Variants in DOCK8 observed in about 807,000 individuals in gnomAD.
DOCK8 encodes dedicator of cytokinesis 8.
DOCK8 carries 141 observed loss-of-function variants against 245.6 expected under a neutral mutation model. That is an observed-to-expected ratio of 0.57 (90% confidence interval 0.50 to 0.66). The LOEUF (loss-of-function observed/expected upper bound fraction) is 0.66, where lower values mean the gene tolerates loss of function less well. Among genes scored for constraint, DOCK8 ranks in the 30% least tolerant of loss-of-function variants. The pLI is 0.00. For synonymous variants in DOCK8, 1,168 were observed against 970.2 expected (o/e 1.20, Z -3.79); for missense variants, 2,965 against 2,603.4 (o/e 1.14, Z -3.02).
intron 47 of DOCK8, 66 bp from the exon 48 acceptor site, chr9:464,093 T>C (rs2057899419): frequency 7.3e-7 from 1 of 1,376,952 alleles, no homozygotes; most frequent in Non-Finnish European, 1.0e-6. Context: ...TCTAAAAGGC[T>C]AACTGATCTT....
chr9:277,664 T>C (rs1171719288), intron 2 of DOCK8, among the ~76,000 whole-genome samples: 1 of 151,992 alleles, frequency 6.6e-6, no homozygotes, highest in African/African-American at 2.4e-5. Flanking sequence ...ACATATTTTA[T>C]GGAGGGAAAA....
Position 434,897 on chromosome 9 carries a change from C to T in DOCK8, c.5001C>T (p.His1667=), listed in dbSNP as rs35662752. ...CGGAGGCTGCCATGTGCCTGGTGCA[C>T]GCCGCTGCGTTAGTGGCTGAGTATC... The part of the protein sequence containing the change: ...CYTEAAMCLV[H]AAALVAEYLS... Residue 1667 remains histidine (H), a synonymous_variant, in exon 39 of 48, where the codon CAC becomes CAT. Coordinates refer to ENST00000432829, the MANE Select transcript of DOCK8 (RefSeq NM_203447.4). The T allele has an allele frequency of 1.9e-3, 3,112 of 1,613,896 alleles. 60 individuals carry two copies. The African/African-American group carries it at 0.038, about 20-fold the overall frequency.
chr9:293,716 CT>C (rs1283360323), intron 4 of DOCK8, among the ~76,000 whole-genome samples: 3 of 152,218 alleles, frequency 2.0e-5, no homozygotes, highest in African/African-American at 7.2e-5. Flanking sequence ...ATTAAGTTAT[CT>C]CTTCATTTGG....
intron 2 of DOCK8, chr9:284,370 T>G (rs138641211): frequency 0.027 from 4,175 of 152,336 alleles, 91 homozygotes; most frequent in Middle Eastern, 0.075. Flanking sequence ...TTGTTTCATT[T>G]TCAGAGGGAC....
chr9:386,490 C>A, intron 23 of DOCK8, 64 bp downstream of exon 23: 2 of 1,428,744 alleles, frequency 1.4e-6, no homozygotes, highest in Non-Finnish European at 2.0e-6. Context: ...CTCATGCCCT[C>A]ACACTGTGCT....
chr9:278,745 C>T (rs1441472735), intron 2 of DOCK8, among the ~76,000 whole-genome samples: 1 of 152,150 alleles, frequency 6.6e-6, no homozygotes, highest in African/African-American at 2.4e-5. Context: ...AAGTGACGTG[C>T]TCCAGAAGCA....
intron 27 of DOCK8, among the ~76,000 whole-genome samples, chr9:406,376 A>G (rs957546920): frequency 6.6e-6 from 1 of 151,830 alleles, no homozygotes; most frequent in African/African-American, 2.4e-5. Flanking sequence ...AATCCCAGCT[A>G]CTTGGGACGC....
At chr9:371,942 A>G (rs570101262) in intron 17 of DOCK8, among the ~76,000 whole-genome samples, 12 of 152,338 alleles carry the variant, frequency 7.9e-5, no homozygotes, top group African/African-American at 2.6e-4. Flanking sequence ...GACACACACA[A>G]ACATTGGCTA....
At chr9:276,797 T>G (rs1563864167) in intron 2 of DOCK8, among the ~76,000 whole-genome samples, 1 of 152,148 alleles carries the variant, frequency 6.6e-6, no homozygotes, top group Non-Finnish European at 1.5e-5. Context: ...AATATACTAT[T>G]GTCTTTTCAT....
chr9:387,283 A>C (rs2053994658), intron 23 of DOCK8, among the ~76,000 whole-genome samples: 1 of 152,110 alleles, frequency 6.6e-6, no homozygotes, highest in East Asian at 1.9e-4. Flanking sequence ...CTCCTACTAA[A>C]GATACAAAAA....
chr9:384,593 T>C (rs2053868776), intron 22 of DOCK8, among the ~76,000 whole-genome samples: 4 of 152,196 alleles, frequency 2.6e-5, no homozygotes, highest in South Asian at 2.1e-4. Context: ...CTGAATGAAC[T>C]TAAGAACCAT....
intron 40 of DOCK8, among the ~76,000 whole-genome samples, chr9:440,612 C>T (rs1457921724): frequency 2.0e-5 from 3 of 152,222 alleles, no homozygotes; most frequent in Non-Finnish European, 4.4e-5. Flanking sequence ...TCTTTGGAGG[C>T]ATACATTTAG....
intron 6 of DOCK8, among the ~76,000 whole-genome samples, chr9:315,836 A>C (rs1173595756): frequency 1.3e-5 from 2 of 152,256 alleles, no homozygotes; most frequent in Non-Finnish European, 2.9e-5. Context: ...ATCTAGACCA[A>C]AGGCAGTCCC....
chr9:284,464 A>G (rs1307771743), intron 2 of DOCK8: 3 of 152,184 alleles, frequency 2.0e-5, no homozygotes, highest in Non-Finnish European at 2.9e-5. Context: ...CCCTTCTCAT[A>G]GCACCTGAAA....
intron 5 of DOCK8, among the ~76,000 whole-genome samples, chr9:306,413 C>A (rs1044107165): frequency 7.9e-5 from 12 of 152,134 alleles, no homozygotes; most frequent in Non-Finnish European, 1.5e-5. Flanking sequence ...TCCATTTTCA[C>A]CCTACATGCT....
intron 18 of DOCK8, among the ~76,000 whole-genome samples, chr9:373,985 C>T (rs1056823802): frequency 6.6e-6 from 1 of 152,184 alleles, no homozygotes; most frequent in Non-Finnish European, 1.5e-5. Flanking sequence ...TGTCCAAAGT[C>T]TAGATTCTGC....
intron 2 of DOCK8, chr9:273,044 C>A: frequency 1.0e-6 from 1 of 985,434 alleles, no homozygotes; most frequent in African/African-American, 1.7e-5. Context: ...TTTCCGGTAA[C>A]CGCCATTTTG....
intron 14 of DOCK8, among the ~76,000 whole-genome samples, chr9:364,712 C>T (rs903884566): frequency 8.0e-5 from 12 of 149,824 alleles, no homozygotes; most frequent in African/African-American, 2.2e-4. Context: ...AAAGTCTTAA[C>T]GGTGATCTTC....
At chr9:434,653 A>G in intron 38 of DOCK8, 130 bp from the exon 39 acceptor site, 1 of 896,778 alleles carries the variant, frequency 1.1e-6, no homozygotes, top group Non-Finnish European at 1.8e-6. Context: ...CTGGAAATAT[A>G]GGGCAAAATC....
Sources: allele counts gnomAD v4.1 joint callset (sites outside exome capture counted in the v4.1 genomes callset), GRCh38; gene constraint gnomAD v4.1.1; transcripts MANE v1.5; gene names NCBI Gene and HGNC (gene_info 2026-07-23, HGNC 2026-07-21).